The following ABCC4 variants were observed in gnomAD, a reference collection of about 807,000 sequenced individuals.
ABCC4 encodes ATP-binding cassette sub-family C member 4.
ABCC4 carries 102 observed loss-of-function variants against 168.5 expected under a neutral mutation model. The ratio of observed to expected loss-of-function variants is 0.61; its 90% CI spans 0.52 to 0.71. The LOEUF (loss-of-function observed/expected upper bound fraction) is 0.71. ABCC4 is among the 30% of genes least tolerant of loss of function. The pLI, the probability that ABCC4 is intolerant of heterozygous loss-of-function variation, is 0.00. For synonymous variants in ABCC4, 617 were observed against 590.7 expected (o/e 1.04, Z -0.65); for missense variants, 1,402 against 1,605.8 (o/e 0.87, Z 2.17).
At chr13:95,048,036 C>A (rs1426544720) in intron 27 of ABCC4, among the ~76,000 whole-genome samples, 2 of 152,164 alleles carry the variant, frequency 1.3e-5, no homozygotes, top group African/African-American at 2.4e-5. Flanking sequence ...AAGGATACCT[C>A]ATTTTGTGAC....
At chr13:95,032,031 T>G (rs969160527) in intron 30 of ABCC4, among the ~76,000 whole-genome samples, 2 of 152,196 alleles carry the variant, frequency 1.3e-5, no homozygotes, top group African/African-American at 4.8e-5. Context: ...GAATCCCAAA[T>G]GATTGATCGG....
chr13:95,084,509 C>A (rs1435436165), intron 20 of ABCC4, among the ~76,000 whole-genome samples: 1 of 152,034 alleles, frequency 6.6e-6, no homozygotes, highest in Non-Finnish European at 1.5e-5. Context: ...AGACCTGAGA[C>A]TTTTTTCTTT....
chr13:95,288,282 G>A (rs150289880), intron 1 of ABCC4, among the ~76,000 whole-genome samples: 3,958 of 152,134 alleles, frequency 0.026, 78 homozygotes, highest in Non-Finnish European at 0.041. Context: ...CTAAGACACA[G>A]GTGTCAGCAA....
At chr13:95,062,636 A>C in intron 26 of ABCC4, 68 bp downstream of exon 26, 9 of 1,387,734 alleles carry the variant, frequency 6.5e-6, no homozygotes, top group Non-Finnish European at 8.8e-6. Flanking sequence ...AAAAGCAATA[A>C]GAGTAAAAGC....
chr13:95,195,702 C>T (rs1053673860), intron 8 of ABCC4, among the ~76,000 whole-genome samples: 2 of 152,150 alleles, frequency 1.3e-5, no homozygotes, highest in Non-Finnish European at 2.9e-5. Flanking sequence ...GGCACGATCT[C>T]GGTTCGCTGC....
chr13:95,058,567 C>CAAAAAA (rs1165324016), intron 26 of ABCC4, among the ~76,000 whole-genome samples: 397 of 62,728 alleles, frequency 6.3e-3, no homozygotes, highest in East Asian at 0.014. Flanking sequence ...GACTCCATCT[C>CAAAAAA]AAAAAAAAAA....
At chr13:95,229,951 T>G (rs893815075) in intron 4 of ABCC4, among the ~76,000 whole-genome samples, 2 of 152,226 alleles carry the variant, frequency 1.3e-5, no homozygotes, top group African/African-American at 2.4e-5. Context: ...GACTTGAAGA[T>G]GGACACATCC....
chr13:95,042,037 T>A (rs1429304615), intron 29 of ABCC4, among the ~76,000 whole-genome samples: 1 of 152,222 alleles, frequency 6.6e-6, no homozygotes, highest in Non-Finnish European at 1.5e-5. Context: ...GAGCCCTAAA[T>A]GGAAGCTCTC....
chr13:95,044,421 G>T lies in ABCC4; in HGVS notation c.3474C>A (p.Thr1158=). The change falls in exon 28 of 31, where the codon ACC becomes ACA. Residue 1158 remains threonine (T), a synonymous_variant. Coordinates refer to ENST00000645237, the MANE Select transcript of ABCC4 (RefSeq NM_005845.5). Reference sequence around the variant, plus strand: ...CCATTTTACCAGGAAGATCTTCAATGGTTTCTTTAAGTTGTACCTGTAGAT... The same window carrying T: ...CCATTTTACCAGGAAGATCTTCAATTGTTTCTTTAAGTTGTACCTGTAGAT... ...NALQEVQLKE[T]IEDLPGKMDT... is the part of the protein sequence containing the mutation. The T allele has an allele frequency of 6.2e-7, 1 of 1,610,858 alleles. No homozygotes were observed. Among genetic ancestry groups the T allele is most frequent in the Non-Finnish European group, 8.5e-7 (1 of 1,178,698 alleles).
intron 4 of ABCC4, among the ~76,000 whole-genome samples, chr13:95,216,704 C>T (rs534785438): frequency 6.7e-6 from 1 of 149,160 alleles, no homozygotes; most frequent in Admixed American, 6.7e-5. Context: ...ATTAAAACAA[C>T]AATGCATTAT....
intron 19 of ABCC4, among the ~76,000 whole-genome samples, chr13:95,160,041 T>C (rs557014878): frequency 2.0e-5 from 3 of 151,378 alleles, no homozygotes; most frequent in East Asian, 1.9e-4. Context: ...ATGAATAGTA[T>C]CCCTATTTTA....
At chr13:95,044,210 TC>T in intron 28 of ABCC4, 55 bp downstream of exon 28, 3 of 1,445,022 alleles carry the variant, frequency 2.1e-6, no homozygotes, top group Non-Finnish European at 2.8e-6. Flanking sequence ...ATTCCATGTT[TC>T]CCATTTACAC....
In ABCC4 at chr13:95,301,380, C is replaced by T; in HGVS notation, c.-66G>A. The T allele has an allele frequency of 7.1e-7, 1 of 1,406,676 alleles. No homozygotes were observed. The highest frequency in any genetic ancestry group is 9.6e-7 in the Non-Finnish European group (1 of 1,041,644). 87.1% of individuals were successfully genotyped at this position (1,406,676 alleles called of 1,614,324 possible). ...CAGGCGGCGGTGGCCGCGGGCTCCG[C>T]TCCTGGACCTCAAGCAGGGATGCTG... On this transcript the variant is annotated 5_prime_UTR_variant, in exon 1 of 31. Coordinates refer to ENST00000645237, the MANE Select transcript of ABCC4 (RefSeq NM_005845.5).
intron 26 of ABCC4, among the ~76,000 whole-genome samples, chr13:95,057,421 G>C (rs779261928): frequency 2.0e-5 from 3 of 152,116 alleles, no homozygotes; most frequent in Non-Finnish European, 4.4e-5. Context: ...TGTATTTTTA[G>C]TAGAGACGGG....
chr13:95,295,083 T>C (rs539188536), intron 1 of ABCC4, among the ~76,000 whole-genome samples: 8 of 152,276 alleles, frequency 5.3e-5, no homozygotes, highest in Non-Finnish European at 7.3e-5. Context: ...TCAAGTAGAA[T>C]TGGACACCAA....
chr13:95,033,979 G>T (rs930268831), intron 30 of ABCC4, among the ~76,000 whole-genome samples: 1 of 152,164 alleles, frequency 6.6e-6, no homozygotes, highest in South Asian at 2.1e-4. Flanking sequence ...GCCTCTTATA[G>T]AAGGTGGAGG....
intron 19 of ABCC4, among the ~76,000 whole-genome samples, chr13:95,143,684 T>C (rs911972985): frequency 9.8e-5 from 15 of 152,300 alleles, no homozygotes; most frequent in Admixed American, 2.6e-4. Flanking sequence ...GTATCTCCTA[T>C]GACACCAAAC....
chr13:95,026,054 AT>A (rs1365423533), intron 30 of ABCC4, among the ~76,000 whole-genome samples: 1 of 152,112 alleles, frequency 6.6e-6, no homozygotes, highest in African/African-American at 2.4e-5. Context: ...CTTGTATCAT[AT>A]AATGAACATA....
chr13:95,131,240 A>G lies in ABCC4; in HGVS notation c.2456-15239T>C, dbSNP rs1312848053. 2.6e-5 allele frequency among the ~76,000 whole-genome samples: 4 copies of G among 152,270 alleles called. No homozygotes were observed. The South Asian group carries it at 6.2e-4, about 24-fold the overall frequency. ...TGATCTAATTTTCAAGTGTAGGATT[A>G]AAAAAAGGGGAAGCATGCCAAGGAA... On this transcript the variant is annotated intron_variant, in intron 19 of 30. Transcript: ENST00000645237.
Sources: allele counts gnomAD v4.1 joint callset (sites outside exome capture counted in the v4.1 genomes callset), GRCh38; gene constraint gnomAD v4.1.1; transcripts MANE v1.5; gene names NCBI Gene and HGNC (gene_info 2026-07-23, HGNC 2026-07-21).